Variants in DST observed in about 807,000 individuals in gnomAD.
The protein encoded by DST is dystonin, also known as bullous pemphigoid antigen.
A neutral mutation model predicts 875.2 loss-of-function variants in DST; 253 were observed. The ratio of observed to expected loss-of-function variants is 0.29; its 90% CI spans 0.26 to 0.32. DST has a LOEUF of 0.32. Ranked by LOEUF, DST falls within the 10% of genes least tolerant of loss-of-function variation. DST has a pLI of 1.00. For missense variants in DST, 8,287 were observed against 9,111.6 expected, an observed-to-expected ratio of 0.91 and a Z score of 3.68; for synonymous variants, 3,124 against 3,197.1, an observed-to-expected ratio of 0.98 and a Z score of 0.77.
chr6:56,789,920 T>C (rs536019287), intron 4 of DST, among the ~76,000 whole-genome samples: 6 of 152,334 alleles, frequency 3.9e-5, no homozygotes, highest in African/African-American at 7.2e-5. Context: ...TCTGTGCTTA[T>C]TTACAAATAT....
chr6:56,933,526 T>A (rs1422989219), intron 2 of DST, among the ~76,000 whole-genome samples: 3 of 152,200 alleles, frequency 2.0e-5, no homozygotes, highest in Non-Finnish European at 4.4e-5. Flanking sequence ...AGGCCCCAGT[T>A]AGTTCAGTTC....
intron 12 of DST, among the ~76,000 whole-genome samples, chr6:56,650,007 CA>C (rs1396543867): frequency 2.0e-5 from 3 of 152,058 alleles, no homozygotes; most frequent in Non-Finnish European, 4.4e-5. Flanking sequence ...ATTGAATCAT[CA>C]GGGGTGAGCA....
intron 3 of DST, among the ~76,000 whole-genome samples, chr6:56,862,618 C>T (rs893422373): frequency 2.6e-5 from 4 of 151,942 alleles, no homozygotes; most frequent in East Asian, 1.9e-4. Context: ...GTAGTTTGCC[C>T]GTATAGCTGT....
At chr6:56,549,737 G>A (rs1005996931) in intron 61 of DST, among the ~76,000 whole-genome samples, 1 of 152,176 alleles carries the variant, frequency 6.6e-6, no homozygotes, top group African/African-American at 2.4e-5. Flanking sequence ...TGTTCCTTAA[G>A]TGGGTGTTCT....
rs577645857 is a variant in DST at position 56,620,771 on chromosome 6, G to A, written c.4929+3759C>T. 52 of 1,487,662 alleles carry A rather than the reference G, an allele frequency of 3.5e-5. No individual in the cohort carries two copies. In the South Asian group the frequency reaches 4.0e-4, roughly 11 times the overall value. The allele number at this position is 1,487,662 out of a possible 1,614,324, so 92.2% of individuals were successfully genotyped here. On this transcript the variant is annotated intron_variant, in intron 36 of 103. Coordinates refer to ENST00000680361, the MANE Select transcript of DST (RefSeq NM_001374736.1). ...TGTTCTGTTCAAAATATCTTACAACGTATGAATCAATGTTCATAAAAGTAC... is the reference window on the plus strand; with the variant it reads ...TGTTCTGTTCAAAATATCTTACAACATATGAATCAATGTTCATAAAAGTAC...
intron 2 of DST, among the ~76,000 whole-genome samples, chr6:56,945,056 T>C (rs1193559851): frequency 6.6e-6 from 1 of 152,242 alleles, no homozygotes; most frequent in Non-Finnish European, 1.5e-5. Context: ...ATGGTAGAAC[T>C]GCTCAAGCAA....
Position 56,603,080 on chromosome 6 carries a change from T to C in DST, c.11158-49A>G, listed in dbSNP as rs143299772. 8.9e-4 allele frequency: 1,380 copies of C among 1,543,938 alleles called. 4 individuals carry two copies. In the African/African-American group the frequency reaches 0.017, roughly 19 times the overall value. On this transcript the variant is annotated intron_variant, in intron 42 of 103. Transcript: ENST00000680361. ...AGTTATCTTTCCCCAAAATGTCAAA[T>C]TCTTACAAATAATGACTGTGGTTTA...
In DST at chr6:56,617,503, T is replaced by A; in HGVS notation, c.4930-3019A>T. ...CATTCTCAATCCAAACATAATTCTT[T>A]GAATTACAAAGACAAGATTAGTGAA... is the stretch of plus-strand genomic sequence containing the variant. On this transcript the variant is annotated intron_variant, in intron 36 of 103. Coordinates refer to ENST00000680361, the MANE Select transcript of DST (RefSeq NM_001374736.1). 1.6e-6 allele frequency: 2 copies of A among 1,253,470 alleles called. 1 individual carries two copies. 77.6% of individuals were successfully genotyped at this position (1,253,470 alleles called of 1,614,324 possible).
chr6:56,670,180 T>C (rs1339757895), intron 10 of DST, among the ~76,000 whole-genome samples: 1 of 145,732 alleles, frequency 6.9e-6, no homozygotes, highest in African/African-American at 2.7e-5. Context: ...GTGTATAAGC[T>C]ACAATTCAGA....
chr6:56,620,752 G>A, intron 36 of DST: 1 of 1,557,826 alleles, frequency 6.4e-7, no homozygotes, highest in Non-Finnish European at 8.9e-7. Context: ...AGCCTGTTCT[G>A]TTCAAAATAT....
At chr6:56,811,759 T>C (rs1418859773) in intron 4 of DST, among the ~76,000 whole-genome samples, 1 of 152,166 alleles carries the variant, frequency 6.6e-6, no homozygotes, top group African/African-American at 2.4e-5. Context: ...CACTCACTTC[T>C]TTATTAATAG....
intron 3 of DST, among the ~76,000 whole-genome samples, chr6:56,873,434 A>C (rs1245132618): frequency 1.3e-5 from 2 of 152,214 alleles, no homozygotes; most frequent in Non-Finnish European, 2.9e-5. Flanking sequence ...GAGGCATTTC[A>C]ATAGCAAGAT....
intron 49 of DST, among the ~76,000 whole-genome samples, chr6:56,585,050 A>T (rs62412517): frequency 9.1e-4 from 138 of 151,078 alleles, no homozygotes; most frequent in Non-Finnish European, 1.4e-3. Flanking sequence ...TTGGTCTAAA[A>T]TTCTCTTTTT....
intron 43 of DST, among the ~76,000 whole-genome samples, chr6:56,602,419 A>T (rs2098454697): frequency 6.6e-6 from 1 of 151,976 alleles, no homozygotes; most frequent in Non-Finnish European, 1.5e-5. Context: ...CATATAGCCT[A>T]GGTGTGCAGT....
intron 44 of DST, among the ~76,000 whole-genome samples, 154 bp downstream of exon 44, chr6:56,601,289 T>C (rs2098443560): frequency 6.6e-6 from 1 of 152,032 alleles, no homozygotes; most frequent in Non-Finnish European, 1.5e-5. Context: ...GTGAAAACAA[T>C]ATTGTTATAC....
intron 4 of DST, among the ~76,000 whole-genome samples, chr6:56,764,614 G>C (rs1348072959): frequency 2.6e-5 from 4 of 152,014 alleles, no homozygotes; most frequent in African/African-American, 9.7e-5. Flanking sequence ...AAATATTTAT[G>C]GGAAGAAAGA....
chr6:56,670,982 T>C (rs964756485), intron 9 of DST, among the ~76,000 whole-genome samples, 175 bp from the exon 10 acceptor site: 6 of 152,244 alleles, frequency 3.9e-5, no homozygotes, highest in African/African-American at 1.4e-4. Context: ...CTTAAGAGAA[T>C]GTGCCACATG....
At chr6:56,675,896 G>A (rs1186776798) in intron 9 of DST, among the ~76,000 whole-genome samples, 1 of 151,908 alleles carries the variant, frequency 6.6e-6, no homozygotes, top group Non-Finnish European at 1.5e-5. Context: ...AATAAAGAAA[G>A]GATATCATAA....
At chr6:56,567,717 A>G (rs1177047911) in intron 55 of DST, among the ~76,000 whole-genome samples, 1 of 152,166 alleles carries the variant, frequency 6.6e-6, no homozygotes, top group African/African-American at 2.4e-5. Flanking sequence ...GTATCACAAT[A>G]GGGACAGCTG....
Sources: gnomAD v4.1 joint callset for allele counts (sites outside exome capture counted in the v4.1 genomes callset) on GRCh38, gnomAD v4.1.1 for gene constraint, MANE v1.5 for transcripts, NCBI Gene and HGNC (gene_info 2026-07-23, HGNC 2026-07-21) for gene names.